Variants in ANO9 observed in about 807,000 individuals in gnomAD.
The protein encoded by ANO9 is anoctamin-9.
Under a neutral mutation model 100.5 loss-of-function variants are expected in ANO9, and 80 were observed. The ratio of observed to expected loss-of-function variants is 0.80; its 90% confidence interval spans 0.66 to 0.96. The LOEUF is 0.96. Among genes scored for constraint, ANO9 ranks in the 40% least tolerant of loss-of-function variants. ANO9 has a pLI of 0.00. For missense variants in ANO9, 1,064 were observed against 1,072.7 expected (o/e 0.99, Z 0.11); for synonymous variants, 473 against 435.6 (o/e 1.09, Z -1.07).
chr11:438,242 A>T lies in ANO9; in HGVS notation c.6+3679T>A, dbSNP rs573869102. Reference sequence around the variant, plus strand: ...CCCCCCAGGGCAGAGCTACACGCACACCTGGGGCGTGCCAGCCCCTGGCTG... The same window carrying T: ...CCCCCCAGGGCAGAGCTACACGCACTCCTGGGGCGTGCCAGCCCCTGGCTG... On this transcript the variant is annotated intron_variant, in intron 1 of 22. Transcript: ENST00000332826. 2.0e-5 allele frequency among the ~76,000 whole-genome samples: 3 copies of T among 151,796 alleles called. No individual in the cohort carries two copies. In the East Asian group the frequency reaches 5.8e-4, roughly 29 times the overall value.
intron 1 of ANO9, 53 bp downstream of exon 1, chr11:441,868 T>A (rs934967068): frequency 6.3e-7 from 1 of 1,591,124 alleles, no homozygotes; most frequent in African/African-American, 1.3e-5. Context: ...GCCCCAGGTG[T>A]GGGCGTGGCT....
At chr11:433,522 A>T in intron 3 of ANO9, 63 bp from the exon 4 acceptor site, 3 of 1,551,412 alleles carry the variant, frequency 1.9e-6, no homozygotes, top group Non-Finnish European at 1.8e-6. Context: ...CCGCCTCAGA[A>T]CCCTCCCCCC....
Position 421,365 on chromosome 11 carries a change from GGCAC to G in ANO9, c.1335-171_1335-168del. The stretch of plus-strand genomic sequence containing the variant: ...CCCAGATGAACCGCACCCGCACGTG[GGCAC>G]GCACACACACACACACACACACAGG... On this transcript the variant is annotated intron_variant, in intron 15 of 22. Coordinates refer to ENST00000332826, the MANE Select transcript of ANO9 (RefSeq NM_001012302.3). This position sits in a 1 kb window ranked among gnomAD's most constrained non-coding sequence, Gnocchi z 6.8. 4.8e-6 allele frequency: 3 copies of G among 621,102 alleles called. No individual in the cohort carries two copies. The highest frequency in any genetic ancestry group is 8.0e-6 in the Non-Finnish European group (3 of 375,422). The allele number at this position is 621,102 out of a possible 1,614,324, so 38.5% of individuals were successfully genotyped here.
Position 418,360 on chromosome 11 carries a change from G to T in ANO9, c.*11C>A. 6.3e-7 allele frequency: 1 copy of T among 1,587,436 alleles called. No individual in the cohort carries two copies. ...TCTCAGCTCCTGGTGGCCTCTGGAC[G>T]GGCTCTGGCCCTACACGTCTGTGCT... On this transcript the variant is annotated 3_prime_UTR_variant, in exon 23 of 23. Coordinates refer to ENST00000332826, the MANE Select transcript of ANO9 (RefSeq NM_001012302.3).
In ANO9 at chr11:418,323, G is replaced by A; in HGVS notation, c.*48C>T. 1 of 1,498,874 alleles carries A rather than the reference G, an allele frequency of 6.7e-7. No individual in the cohort carries two copies. Among genetic ancestry groups the A allele is most frequent in the Non-Finnish European group, 8.9e-7 (1 of 1,117,410 alleles). 92.8% of individuals were successfully genotyped at this position (1,498,874 alleles called of 1,614,324 possible). On this transcript the variant is annotated 3_prime_UTR_variant, in exon 23 of 23. Coordinates refer to ENST00000332826, the MANE Select transcript of ANO9 (RefSeq NM_001012302.3). ...AGCGGTGGGCTTGTGGGAGGTGCTG[G>A]TGGTGGCACTGTCTCAGCTCCTGGT...
chr11:431,968 G>A (rs779842254), intron 5 of ANO9, 31 bp downstream of exon 5: 19 of 1,612,430 alleles, frequency 1.2e-5, no homozygotes, highest in African/African-American at 4.0e-5. Context: ...TGCCCGCAGC[G>A]CCCCTGTCAG....
intron 22 of ANO9, 47 bp downstream of exon 22, chr11:418,673 G>A: frequency 6.2e-7 from 1 of 1,611,458 alleles, no homozygotes; most frequent in Non-Finnish European, 8.5e-7. Flanking sequence ...GGACTGGGGA[G>A]AGCACTGCCC....
chr11:439,228 G>A (rs1380512964), intron 1 of ANO9, among the ~76,000 whole-genome samples: 3 of 152,220 alleles, frequency 2.0e-5, no homozygotes, highest in Admixed American at 1.3e-4. Flanking sequence ...GGGAGTTTGT[G>A]GGGGGCTCTT....
At chr11:437,202 T>A (rs930080088) in intron 1 of ANO9, among the ~76,000 whole-genome samples, 2 of 152,024 alleles carry the variant, frequency 1.3e-5, no homozygotes, top group African/African-American at 4.8e-5. Flanking sequence ...TAATGCCTGA[T>A]GATCTGAGGT....
In ANO9 at chr11:428,161, T is replaced by C. The variant is rs1590450997; in HGVS notation, c.1261A>G (p.Thr421Ala). 6.2e-7 allele frequency: 1 copy of C among 1,611,392 alleles called. No individual in the cohort carries two copies. Among genetic ancestry groups the C allele is most frequent in the South Asian group, 1.1e-5 (1 of 90,952 alleles). ...AACTGCAGTGTGAAGAAGCGGATGG[T>C]GAACCTGCTCTCTCGCTCCGAGAAG... The part of the protein sequence containing the change: ...RTFSERESRF[T>A]IRFFTLQFFT... The change falls in exon 15 of 23, where the codon ACC (threonine) becomes GCC (alanine). Residue 421 changes from threonine (T) to alanine (A), a missense_variant. Coordinates refer to ENST00000332826, the MANE Select transcript of ANO9 (RefSeq NM_001012302.3).
chr11:435,523 G>GGTCTA (rs138441199), intron 1 of ANO9, among the ~76,000 whole-genome samples: 1 of 100,458 alleles, frequency 1.0e-5, no homozygotes, highest in Non-Finnish European at 2.1e-5. Flanking sequence ...AGTCTAGTAT[G>GGTCTA]GTCTAGTCTA....
chr11:434,831 A>C (rs1468329935), intron 1 of ANO9, among the ~76,000 whole-genome samples: 1 of 152,184 alleles, frequency 6.6e-6, no homozygotes. Context: ...GGGAATTTGC[A>C]GGGCCTCAGA....
intron 15 of ANO9, 37 bp downstream of exon 15, chr11:428,051 G>C (rs767100718): frequency 5.0e-6 from 7 of 1,393,726 alleles, no homozygotes; most frequent in Non-Finnish European, 5.7e-6. Context: ...ACAAGCCCTC[G>C]TGAGTTGGGT....
rs1241790881 is a variant in ANO9 at position 431,673 on chromosome 11, GCT to G, written c.539+19_539+20del. ...GCGGGGCCGTCCGCGGGGTTCCTGT[GCT>G]CTCTTTGGGCAGCGTTACCTGATTT... On this transcript the variant is annotated intron_variant, in intron 7 of 22. Coordinates refer to ENST00000332826, the MANE Select transcript of ANO9 (RefSeq NM_001012302.3). The G allele has an allele frequency of 6.2e-7, 1 of 1,611,404 alleles. No individual in the cohort carries two copies. Among genetic ancestry groups the G allele is most frequent in the African/African-American group, 1.3e-5 (1 of 74,874 alleles).
intron 15 of ANO9, 24 bp downstream of exon 15, chr11:428,064 G>C (rs1564915293): frequency 6.4e-7 from 1 of 1,571,186 alleles, no homozygotes; most frequent in Non-Finnish European, 8.7e-7. Context: ...AGTTGGGTTG[G>C]AGGGAGCCTG....
chr11:422,824 C>T lies in ANO9; in HGVS notation c.1335-1626G>A, dbSNP rs569198679. On this transcript the variant is annotated intron_variant, in intron 15 of 22. Transcript: ENST00000332826. The surrounding 1 kb of genome is among the most constrained non-coding windows in gnomAD (Gnocchi z 4.3). The stretch of plus-strand genomic sequence containing the variant: ...TACTTATACAATCTTAAGCCAAGTC[C>T]CACAGAATTTTTTTTTTTTTTTTCA... Among the ~76,000 whole-genome samples the T allele has an allele frequency of 1.3e-5, 2 of 150,930 alleles. No homozygotes were observed. The highest frequency in any genetic ancestry group is 3.9e-4 in the East Asian group (2 of 5,168).
At chr11:428,423 C>A (rs1042804949) in intron 13 of ANO9, 29 bp from the exon 14 acceptor site, 2 of 1,612,550 alleles carry the variant, frequency 1.2e-6, no homozygotes, top group Non-Finnish European at 1.7e-6. Context: ...AATGGGCTCA[C>A]TGGGGCTCCG....
At position 421,230 on chromosome 11, in the gene ANO9, G is replaced by C; in HGVS notation, c.1335-32C>G. ...AGGAAGGGGAAGTCTGGGGCACTGCGGGCAGCGCCCTGCCTCTGACAGGGT... is the reference window on the plus strand; with the variant it reads ...AGGAAGGGGAAGTCTGGGGCACTGCCGGCAGCGCCCTGCCTCTGACAGGGT... On this transcript the variant is annotated intron_variant, in intron 15 of 22. Coordinates refer to ENST00000332826, the MANE Select transcript of ANO9 (RefSeq NM_001012302.3). This position sits in a 1 kb window ranked among gnomAD's most constrained non-coding sequence, Gnocchi z 6.8. 1 of 1,495,858 alleles carries C rather than the reference G, an allele frequency of 6.7e-7. No individual in the cohort carries two copies. The highest frequency in any genetic ancestry group is 8.9e-7 in the Non-Finnish European group (1 of 1,119,828). The allele number at this position is 1,495,858 out of a possible 1,614,324, so 92.7% of individuals were successfully genotyped here.
Position 419,723 on chromosome 11 carries a change from C to T in ANO9, c.1793G>A (p.Trp598Ter), listed in dbSNP as rs763377221. Residue 598 changes from tryptophan to a stop codon, truncating the protein, a stop_gained, in exon 20 of 23, where the codon TGG becomes TAG. Coordinates refer to ENST00000332826, the MANE Select transcript of ANO9 (RefSeq NM_001012302.3). LOFTEE classifies it high-confidence loss of function. ...ACCGATGGTCTCCAGCACCTGCAGCCAGGTCCCTGCACCAGAGCAGTGGGC... is the reference window on the plus strand; with the variant it reads ...ACCGATGGTCTCCAGCACCTGCAGCTAGGTCCCTGCACCAGAGCAGTGGGC... ...VPRKAKDIGT[W>*]LQVLETIGVL... 2.5e-6 allele frequency: 4 copies of T among 1,612,816 alleles called. No homozygotes were observed. In the South Asian group the frequency reaches 4.4e-5, roughly 18 times the overall value.
Sources: gnomAD v4.1 joint callset for allele counts (sites outside exome capture counted in the v4.1 genomes callset) on GRCh38, gnomAD v4.1.1 for gene constraint, Gnocchi (gnomAD v3.1) non-coding constraint, MANE v1.5 for transcripts, NCBI Gene and HGNC (gene_info 2026-07-23, HGNC 2026-07-21) for gene names.